The following GOLGA3 variants were observed in gnomAD, a reference collection of about 807,000 sequenced individuals.
GOLGA3 encodes golgin A3.
GOLGA3 carries 75 observed loss-of-function variants against 169.4 expected under a neutral mutation model. That is an observed-to-expected ratio of 0.44 (90% CI 0.37 to 0.54). The LOEUF (loss-of-function observed/expected upper bound fraction) is 0.54. GOLGA3 is among the 20% of genes least tolerant of loss of function. GOLGA3 has a pLI of 0.00. For synonymous variants in GOLGA3, 824 were observed against 822.4 expected (o/e 1.00, Z -0.03); for missense variants, 1,899 against 1,930.0 (o/e 0.98, Z 0.30).
intron 4 of GOLGA3, among the ~76,000 whole-genome samples, chr12:132,810,211 G>A (rs917594600): frequency 6.6e-6 from 1 of 152,134 alleles, no homozygotes; most frequent in Non-Finnish European, 1.5e-5. Flanking sequence ...TCATGCCACT[G>A]CACTCCAGCC....
Position 132,816,609 on chromosome 12 carries a change from C to G in GOLGA3, c.337G>C (p.Glu113Gln). 1 of 1,614,122 alleles carries G rather than the reference C, an allele frequency of 6.2e-7. No individual in the cohort carries two copies. Among genetic ancestry groups the G allele is most frequent in the Non-Finnish European group, 8.5e-7 (1 of 1,179,986 alleles). The change falls in exon 3 of 24, where the codon GAG (glutamate) becomes CAG (glutamine). Residue 113 changes from glutamate to glutamine, a missense_variant. Physicochemically the swap from Glu to Gln is conservative, Grantham distance 29. Coordinates refer to ENST00000450791, the MANE Select transcript of GOLGA3 (RefSeq NM_001389683.1). The part of the protein sequence containing the change: ...NLRKSQGTSA[E>Q]GSVRKEALQS... ...AAAGCTTCTTTTCTAACACTGCCCT[C>G]AGCACTAGTTCCCTGAGACTTCCTT... is the stretch of plus-strand genomic sequence containing the variant.
intron 21 of GOLGA3, 70 bp from the exon 22 acceptor site, chr12:132,775,375 A>G (rs1004703496): frequency 1.2e-5 from 17 of 1,386,498 alleles, no homozygotes; most frequent in Non-Finnish European, 1.7e-5. Context: ...CCGAGTTTGT[A>G]TTTTCATAGG....
In GOLGA3 at chr12:132,786,711, A is replaced by G; in HGVS notation, c.2888T>C (p.Leu963Ser). The change falls in exon 14 of 24, where the codon TTG (leucine) becomes TCG (serine). Residue 963 changes from leucine (L) to serine (S), a missense_variant. By Grantham distance (145) the Leu-to-Ser change is moderately radical. Coordinates refer to ENST00000450791, the MANE Select transcript of GOLGA3 (RefSeq NM_001389683.1). Reference protein sequence around the residue: ...NEALKKQIEELQQEARKAITE... With the variant: ...NEALKKQIEESQQEARKAITE... ...GACTTACTTCCGGGCCTCTTGCTGC[A>G]ACTCTTCGATTTGTTTCTTCAGCGC... 3.1e-6 allele frequency: 5 copies of G among 1,591,348 alleles called. No individual in the cohort carries two copies. Among genetic ancestry groups the G allele is most frequent in the South Asian group, 1.1e-5 (1 of 90,514 alleles).
Position 132,804,491 on chromosome 12 carries a change from G to T in GOLGA3, c.1597+225C>A, listed in dbSNP as rs1181473705. 6.6e-6 allele frequency among the ~76,000 whole-genome samples: 1 copy of T among 152,218 alleles called. No homozygotes were observed. The highest frequency in any genetic ancestry group is 2.4e-5 in the African/African-American group (1 of 41,444). On this transcript the variant is annotated intron_variant, in intron 7 of 23. Coordinates refer to ENST00000450791, the MANE Select transcript of GOLGA3 (RefSeq NM_001389683.1). This position sits in a 1 kb window ranked among gnomAD's most constrained non-coding sequence, Gnocchi z 4.1. ...GGCACAGTCACATGCCGACAGAGCT[G>T]TCAGCACCAGGGAGGAGGGCGTGGC...
chr12:132,780,941 A>G (rs1367961691), intron 17 of GOLGA3, 27 bp from the exon 18 acceptor site: 34 of 1,543,982 alleles, frequency 2.2e-5, no homozygotes, highest in Non-Finnish European at 3.0e-5. Context: ...GAGGACAGAT[A>G]AGGAAGGACG....
chr12:132,815,981 G>A (rs1949940829), intron 3 of GOLGA3, among the ~76,000 whole-genome samples: 1 of 152,192 alleles, frequency 6.6e-6, no homozygotes, highest in East Asian at 1.9e-4. Flanking sequence ...GGCAGACCAT[G>A]AGGTCAGGAG....
At chr12:132,809,921 G>C (rs944788157) in intron 4 of GOLGA3, among the ~76,000 whole-genome samples, 31 of 152,086 alleles carry the variant, frequency 2.0e-4, no homozygotes, top group Non-Finnish European at 4.4e-4. Context: ...CTACTCTCCA[G>C]TTTATTTTAT....
At chr12:132,808,580 A>C (rs979365795) in intron 4 of GOLGA3, 31 bp from the exon 5 acceptor site, 4 of 1,526,150 alleles carry the variant, frequency 2.6e-6, no homozygotes, top group African/African-American at 2.8e-5. Context: ...CAAAAATTAC[A>C]TTTAAAATCC....
chr12:132,782,147 A>T (rs1276438359), intron 17 of GOLGA3, 149 bp downstream of exon 17: 1 of 755,678 alleles, frequency 1.3e-6, no homozygotes, highest in African/African-American at 1.7e-5. Context: ...GCCGTGGGTC[A>T]CCCGGACTCC....
intron 11 of GOLGA3, among the ~76,000 whole-genome samples, chr12:132,795,195 A>AG (rs1191564576): frequency 6.6e-6 from 1 of 151,950 alleles, no homozygotes; most frequent in Admixed American, 6.6e-5. Context: ...CAAAAAAAAA[A>AG]AAAAAGAAAA....
Position 132,804,743 on chromosome 12 carries a change from T to C in GOLGA3, c.1570A>G (p.Arg524Gly), listed in dbSNP as rs767245616. ...GTGTTGTCCTTGCTGAGCATGCTCC[T>C]CTGCATGTCCTCTACCTTGGCCATA... is the stretch of plus-strand genomic sequence containing the variant. The part of the protein sequence containing the change: ...RLMAKVEDMQ[R>G]SMLSKDNTVH... The change falls in exon 7 of 24, where the codon AGG becomes GGG. Residue 524 changes from arginine to glycine, a missense_variant. Arg to Gly is a moderately radical substitution (Grantham distance 125). Coordinates refer to ENST00000450791, the MANE Select transcript of GOLGA3 (RefSeq NM_001389683.1). This position sits in a 1 kb window ranked among gnomAD's most constrained non-coding sequence, Gnocchi z 4.1. 6.2e-7 allele frequency: 1 copy of C among 1,614,002 alleles called. No homozygotes were observed. The highest frequency in any genetic ancestry group is 8.5e-7 in the Non-Finnish European group (1 of 1,179,854).
Position 132,780,922 on chromosome 12 carries a change from A to G in GOLGA3, c.3466-8T>C. 1 of 1,591,342 alleles carries G rather than the reference A, an allele frequency of 6.3e-7. No individual in the cohort carries two copies. The highest frequency in any genetic ancestry group is 8.6e-7 in the Non-Finnish European group (1 of 1,163,292). ...CTGCAAAACTGCCTGCACCTAGATC[A>G]GATTGCAGGAGGACAGATAAGGAAG... is the stretch of plus-strand genomic sequence containing the variant. On this transcript the variant is annotated splice_region_variant and splice_polypyrimidine_tract_variant and intron_variant, in intron 17 of 23. Transcript: ENST00000450791.
intron 13 of GOLGA3, among the ~76,000 whole-genome samples, chr12:132,788,326 C>T (rs1331705874): frequency 6.6e-6 from 1 of 152,192 alleles, no homozygotes; most frequent in Non-Finnish European, 1.5e-5. Flanking sequence ...AAACGTAGCA[C>T]TTGGTCTAAC....
intron 7 of GOLGA3, among the ~76,000 whole-genome samples, chr12:132,802,739 C>T (rs1949195126): frequency 6.6e-6 from 1 of 152,218 alleles, no homozygotes; most frequent in South Asian, 2.1e-4. Context: ...AAACACCTCA[C>T]ATCCTCTCTG....
rs115297712 is a variant in GOLGA3, at chr12:132,799,802, G to A, written c.1801-1325C>T. The stretch of plus-strand genomic sequence containing the variant: ...AGGCTGAAGTGTGGAGTGCAGCAGC[G>A]CAATCTTGGCTCACTACAACCTCTG... On this transcript the variant is annotated intron_variant, in intron 8 of 23. Coordinates refer to ENST00000450791, the MANE Select transcript of GOLGA3 (RefSeq NM_001389683.1). Among the ~76,000 whole-genome samples, 973 of 151,962 alleles carry A rather than the reference G, an allele frequency of 6.4e-3. 19 individuals carry two copies. Among genetic ancestry groups the A allele is most frequent in the African/African-American group, 0.022 (920 of 41,422 alleles).
Position 132,796,132 on chromosome 12 carries a change from T to A in GOLGA3, c.2189A>T (p.Gln730Leu). ...CTGCTCCCTGCTCTGCAGAGCCTCC[T>A]GAGTCAAGGTGAGCTGTTTCATCAG... ...LDLMKQLTLT[Q>L]EALQSREQSL... The change falls in exon 11 of 24, where the codon CAG (glutamine) becomes CTG (leucine). Residue 730 changes from glutamine (Q) to leucine (L), a missense_variant. Gln to Leu is a moderately radical substitution (Grantham distance 113). Transcript: ENST00000450791. 1 of 1,611,358 alleles carries A rather than the reference T, an allele frequency of 6.2e-7. No homozygotes were observed. Among genetic ancestry groups the A allele is most frequent in the Non-Finnish European group, 8.5e-7 (1 of 1,178,638 alleles).
chr12:132,775,033 C>T, intron 22 of GOLGA3, 108 bp downstream of exon 22: 2 of 924,154 alleles, frequency 2.2e-6, no homozygotes, highest in Non-Finnish European at 3.3e-6. Flanking sequence ...TCAGTGTGGG[C>T]TCAACAAATC....
Position 132,816,917 on chromosome 12 carries a change from G to T in GOLGA3, c.134-105C>A, listed in dbSNP as rs533855189. ...GAGAGAAGAGGATCCAGACTCATGA[G>T]CACGGCACTTTCTCATCCCACAAAG... On this transcript the variant is annotated intron_variant, in intron 2 of 23. Transcript: ENST00000450791. 5 of 1,028,880 alleles carry T rather than the reference G, an allele frequency of 4.9e-6. No homozygotes were observed. In the African/African-American group the frequency reaches 6.5e-5, roughly 13 times the overall value. The allele number at this position is 1,028,880 out of a possible 1,614,324, so 63.7% of individuals were successfully genotyped here. A position where few individuals can be genotyped will look rare whatever the true frequency, so the allele number is the denominator to read the frequency against.
chr12:132,792,736 CTGCACT>C (rs1948609310), intron 11 of GOLGA3, among the ~76,000 whole-genome samples: 1 of 136,030 alleles, frequency 7.4e-6, no homozygotes, highest in African/African-American at 2.8e-5. Flanking sequence ...CGCACGGGAC[CTGCACT>C]CGGAGGGCTC....
Sources: gnomAD v4.1 joint callset for allele counts (sites outside exome capture counted in the v4.1 genomes callset) on GRCh38, gnomAD v4.1.1 for gene constraint, Gnocchi (gnomAD v3.1) non-coding constraint, MANE v1.5 for transcripts, NCBI Gene and HGNC (gene_info 2026-07-23, HGNC 2026-07-21) for gene names.